Variants in NAALADL2 observed in about 807,000 individuals in gnomAD.
NAALADL2 encodes the protein inactive N-acetylated-alpha-linked acidic dipeptidase-like protein 2.
In NAALADL2, 76 loss-of-function variants were observed where a neutral mutation model predicts 87.2. The observed-to-expected ratio is 0.87, with a 90% CI of 0.72 to 1.05. The LOEUF is 1.05. NAALADL2 is among the 50% of genes least tolerant of loss of function. The pLI is 0.00. For synonymous variants in NAALADL2, 354 were observed against 331.0 expected (o/e 1.07, Z -0.75); for missense variants, 1,089 against 945.8 (o/e 1.15, Z -1.99).
chr3:174,884,739 T>C (rs931356474), intron 1 of NAALADL2, among the ~76,000 whole-genome samples: 1 of 152,128 alleles, frequency 6.6e-6, no homozygotes, highest in Non-Finnish European at 1.5e-5. Flanking sequence ...TAATATACAC[T>C]CTCATGCCTG....
intron 1 of NAALADL2, among the ~76,000 whole-genome samples, chr3:174,984,111 T>TAA (rs1745493757): frequency 6.8e-6 from 1 of 147,522 alleles, no homozygotes; most frequent in African/African-American, 2.7e-5. Context: ...TTGAGATGTT[T>TAA]TAAAAAAACA....
intron 1 of NAALADL2, among the ~76,000 whole-genome samples, chr3:174,862,580 C>T (rs1229555071): frequency 2.0e-5 from 3 of 152,088 alleles, no homozygotes; most frequent in Non-Finnish European, 4.4e-5. Flanking sequence ...CCTCAGGAAT[C>T]CAGTTTCCAT....
At chr3:174,892,096 A>G (rs192851665) in intron 1 of NAALADL2, among the ~76,000 whole-genome samples, 1 of 152,294 alleles carries the variant, frequency 6.6e-6, no homozygotes, top group African/African-American at 2.4e-5. Flanking sequence ...TTTCCCAAGA[A>G]GAACAGCTAC....
chr3:175,281,985 T>A (rs1240948369), intron 4 of NAALADL2, among the ~76,000 whole-genome samples: 3 of 152,028 alleles, frequency 2.0e-5, no homozygotes, highest in Non-Finnish European at 4.4e-5. Context: ...ATTTCACACA[T>A]ATTATTTGCA....
At chr3:175,419,899 G>C (rs894878790) in intron 5 of NAALADL2, among the ~76,000 whole-genome samples, 1 of 151,888 alleles carries the variant, frequency 6.6e-6, no homozygotes, top group Non-Finnish European at 1.5e-5. Flanking sequence ...AATAAAACAA[G>C]CAGTTATAGT....
Position 175,267,257 on chromosome 3 carries a change from G to A in NAALADL2, c.939+10727G>A, listed in dbSNP as rs898002077. 2.6e-5 allele frequency among the ~76,000 whole-genome samples: 4 copies of A among 152,068 alleles called. No individual in the cohort carries two copies. In the South Asian group the frequency reaches 8.3e-4, roughly 32 times the overall value. The stretch of plus-strand genomic sequence containing the variant: ...CTTATTATGAATCACTAAATACGTA[G>A]GATTTTTCCTTTGTTTTGAGTGGCT... On this transcript the variant is annotated intron_variant, in intron 4 of 13. Coordinates refer to ENST00000454872, the MANE Select transcript of NAALADL2 (RefSeq NM_207015.3).
At chr3:175,298,420 A>C (rs1756641438) in intron 4 of NAALADL2, among the ~76,000 whole-genome samples, 2 of 152,284 alleles carry the variant, frequency 1.3e-5, no homozygotes, top group Admixed American at 6.5e-5. Flanking sequence ...GAATCTGATA[A>C]AAATCAACAG....
At chr3:174,869,827 A>T (rs1322778882) in intron 1 of NAALADL2, among the ~76,000 whole-genome samples, 1 of 151,776 alleles carries the variant, frequency 6.6e-6, no homozygotes, top group African/African-American at 2.4e-5. Context: ...TGAAACCCAG[A>T]TTCTACTAAA....
At chr3:175,758,910 G>T (rs1747619178) in intron 13 of NAALADL2, among the ~76,000 whole-genome samples, 2 of 151,886 alleles carry the variant, frequency 1.3e-5, no homozygotes, top group South Asian at 4.2e-4. Context: ...AAGATGATTT[G>T]CATTTTAAGA....
intron 1 of NAALADL2, among the ~76,000 whole-genome samples, chr3:174,935,976 A>G (rs772909310): frequency 1.4e-4 from 22 of 152,144 alleles, no homozygotes; most frequent in Non-Finnish European, 3.1e-4. Flanking sequence ...ATGTCAGGAC[A>G]CTGATTATTC....
At chr3:175,409,562 C>G (rs1713070516) in intron 5 of NAALADL2, among the ~76,000 whole-genome samples, 1 of 151,710 alleles carries the variant, frequency 6.6e-6, no homozygotes. Context: ...TATAAGATTA[C>G]AAGAAATCTA....
At chr3:175,777,983 G>C (rs1750492049) in intron 13 of NAALADL2, among the ~76,000 whole-genome samples, 1 of 152,162 alleles carries the variant, frequency 6.6e-6, no homozygotes, top group South Asian at 2.1e-4. Context: ...TTAGCATAAT[G>C]TTTTCATACG....
chr3:174,485,486 T>C (rs972779863), intron 1 of NAALADL2, among the ~76,000 whole-genome samples: 9 of 151,734 alleles, frequency 5.9e-5, no homozygotes, highest in Admixed American at 5.3e-4. Context: ...GTGTGTTGTT[T>C]CCCTCTATGT....
intron 1 of NAALADL2, among the ~76,000 whole-genome samples, chr3:174,453,726 A>G (rs373778733): frequency 1.2e-4 from 18 of 152,204 alleles, no homozygotes; most frequent in African/African-American, 3.4e-4. Context: ...GGCATTCATT[A>G]TTGTCAGACC....
intron 11 of NAALADL2, among the ~76,000 whole-genome samples, chr3:175,703,264 C>T (rs1286337385): frequency 6.6e-6 from 1 of 152,090 alleles, no homozygotes; most frequent in Non-Finnish European, 1.5e-5. Context: ...AATCATTAAA[C>T]CTTGGGAACA....
chr3:175,226,745 G>A (rs1744214533), intron 2 of NAALADL2, among the ~76,000 whole-genome samples: 1 of 152,026 alleles, frequency 6.6e-6, no homozygotes, highest in Admixed American at 6.6e-5. Context: ...TGTTTCATTG[G>A]CATGCCATTA....
intron 5 of NAALADL2, among the ~76,000 whole-genome samples, chr3:175,446,856 T>TA (rs1720790293): frequency 6.6e-6 from 1 of 152,184 alleles, no homozygotes; most frequent in South Asian, 2.1e-4. Context: ...CCTCAGGTCT[T>TA]ACATCACTGA....
At chr3:174,749,469 A>C (rs1431301850) in intron 3 of NAALADL2, among the ~76,000 whole-genome samples, 2 of 151,784 alleles carry the variant, frequency 1.3e-5, no homozygotes, top group Non-Finnish European at 2.9e-5. Flanking sequence ...CATTTCTGTG[A>C]ATGGCAGATT....
At position 175,340,317 on chromosome 3, in the gene NAALADL2, C is replaced by T. The variant is rs1862080; in HGVS notation, c.1090+15992C>T. On this transcript the variant is annotated intron_variant, in intron 5 of 13. Coordinates refer to ENST00000454872, the MANE Select transcript of NAALADL2 (RefSeq NM_207015.3). ...ATTGGTGAAATATGGCTGTCTTTTC[C>T]TAGATCATACTTTTTAGTGCCCAGG... Among the ~76,000 whole-genome samples, 1,225 of 152,116 alleles carry T rather than the reference C, an allele frequency of 8.1e-3. 10 individuals are homozygous for T. The highest frequency in any genetic ancestry group is 0.028 in the African/African-American group (1,155 of 41,512).
Sources: allele counts gnomAD v4.1 joint callset (sites outside exome capture counted in the v4.1 genomes callset), GRCh38; gene constraint gnomAD v4.1.1; transcripts MANE v1.5; gene names NCBI Gene and HGNC (gene_info 2026-07-23, HGNC 2026-07-21).